Variants in PPM1E observed in about 807,000 individuals in gnomAD.
PPM1E encodes protein phosphatase 1E.
Under a neutral mutation model 65.9 loss-of-function variants are expected in PPM1E, and 20 were observed. That is an observed-to-expected ratio of 0.30 (90% CI 0.21 to 0.44). PPM1E has a LOEUF of 0.44. Among genes scored for constraint, PPM1E ranks in the 20% least tolerant of loss-of-function variants. PPM1E has a pLI of 1.00. For synonymous variants in PPM1E, 352 were observed against 374.9 expected, an observed-to-expected ratio of 0.94 and a Z score of 0.70; for missense variants, 713 against 953.1, an observed-to-expected ratio of 0.75 and a Z score of 3.32.
At chr17:58,798,517 A>G (rs2143040622) in intron 1 of PPM1E, among the ~76,000 whole-genome samples, 1 of 146,874 alleles carries the variant, frequency 6.8e-6, no homozygotes, top group Admixed American at 6.8e-5. Flanking sequence ...TCCACCGCAC[A>G]CGGCCCTATT....
chr17:58,812,075 G>A (rs536003974), intron 1 of PPM1E, among the ~76,000 whole-genome samples: 3 of 151,866 alleles, frequency 2.0e-5, no homozygotes, highest in African/African-American at 7.2e-5. Context: ...TGAAAGATAA[G>A]GAACTAAAAA....
chr17:58,870,301 A>G (rs1461975292), intron 1 of PPM1E, among the ~76,000 whole-genome samples: 2 of 152,218 alleles, frequency 1.3e-5, no homozygotes, highest in Non-Finnish European at 2.9e-5. Context: ...TCTAAGTACC[A>G]TTGAAAATAG....
intron 1 of PPM1E, among the ~76,000 whole-genome samples, chr17:58,850,864 A>C (rs2050819739): frequency 1.3e-5 from 2 of 152,134 alleles, no homozygotes; most frequent in South Asian, 2.1e-4. Context: ...TAATATCCTG[A>C]AGAGTGTTTT....
intron 1 of PPM1E, among the ~76,000 whole-genome samples, chr17:58,866,024 ATTTC>A (rs957376167): frequency 6.6e-6 from 1 of 152,172 alleles, no homozygotes; most frequent in Non-Finnish European, 1.5e-5. Flanking sequence ...TCCCCATCAT[ATTTC>A]TTGTGGTTTA....
chr17:58,908,602 G>A (rs2051586811), intron 1 of PPM1E, among the ~76,000 whole-genome samples: 1 of 151,602 alleles, frequency 6.6e-6, no homozygotes, highest in Admixed American at 6.6e-5. Flanking sequence ...ACCATGCCCA[G>A]CTAATTTTTG....
chr17:58,906,069 A>G (rs1393877424), intron 1 of PPM1E, among the ~76,000 whole-genome samples: 2 of 152,192 alleles, frequency 1.3e-5, no homozygotes, highest in African/African-American at 4.8e-5. Flanking sequence ...GATTCATTTC[A>G]TCTAAGTTAT....
intron 1 of PPM1E, among the ~76,000 whole-genome samples, chr17:58,819,785 G>C (rs189655227): frequency 6.6e-6 from 1 of 151,868 alleles, no homozygotes; most frequent in African/African-American, 2.4e-5. Context: ...ACCTGTAATC[G>C]CAGCACTTTG....
chr17:58,886,722 A>G (rs2051269515), intron 1 of PPM1E, among the ~76,000 whole-genome samples: 1 of 152,264 alleles, frequency 6.6e-6, no homozygotes, highest in Non-Finnish European at 1.5e-5. Context: ...ATTAAAAAGA[A>G]CAAATGATGC....
At chr17:58,941,711 A>C (rs954442943) in intron 1 of PPM1E, among the ~76,000 whole-genome samples, 4 of 148,080 alleles carry the variant, frequency 2.7e-5, no homozygotes, top group Middle Eastern at 3.5e-3. Flanking sequence ...AAAAAAAAAA[A>C]TGCTGGTCAT....
At chr17:58,865,354 C>G (rs1185742325) in intron 1 of PPM1E, among the ~76,000 whole-genome samples, 1 of 151,654 alleles carries the variant, frequency 6.6e-6, no homozygotes, top group Non-Finnish European at 1.5e-5. Context: ...CCACTGCACT[C>G]CAGCCTGGTG....
At position 58,985,007 on chromosome 17, in the gene PPM1E, A is replaced by G. The variant is rs2031665634; in HGVS notation, c.*3976A>G. 1 of 152,666 alleles carries G rather than the reference A, an allele frequency of 6.6e-6. No homozygotes were observed. Among genetic ancestry groups the G allele is most frequent in the South Asian group, 2.1e-4 (1 of 4,836 alleles). The allele number at this position is 152,666 out of a possible 1,614,324, so 9.5% of individuals were successfully genotyped here. On this transcript the variant is annotated 3_prime_UTR_variant, in exon 7 of 7. Transcript: ENST00000308249. ...CTATGGAGTGAAGCGAATGAAGTGA[A>G]TAATTTCTTACCAAATAAATTTATC...
At chr17:58,961,503 T>C (rs568714588) in intron 2 of PPM1E, among the ~76,000 whole-genome samples, 4 of 152,362 alleles carry the variant, frequency 2.6e-5, no homozygotes, top group Non-Finnish European at 5.9e-5. Context: ...TATTTATTAT[T>C]ACCAAAAGTG....
intron 6 of PPM1E, among the ~76,000 whole-genome samples, chr17:58,976,974 C>CCATATTGGAT (rs1398545043): frequency 6.6e-6 from 1 of 151,900 alleles, no homozygotes; most frequent in East Asian, 1.9e-4. Flanking sequence ...ACACTGAATC[C>CCATATTGGAT]CATATTGGAT....
At chr17:58,764,699 C>T (rs1355561863) in intron 1 of PPM1E, among the ~76,000 whole-genome samples, 2 of 151,904 alleles carry the variant, frequency 1.3e-5, no homozygotes, top group African/African-American at 4.8e-5. Flanking sequence ...CTCATTGCAT[C>T]CTTGACTTCC....
At chr17:58,890,294 T>C (rs911982999) in intron 1 of PPM1E, among the ~76,000 whole-genome samples, 11 of 152,188 alleles carry the variant, frequency 7.2e-5, no homozygotes, top group African/African-American at 2.7e-4. Context: ...ATAACCTTCT[T>C]ATGTGTCAGA....
At chr17:58,773,846 G>A (rs571046129) in intron 1 of PPM1E, among the ~76,000 whole-genome samples, 25 of 152,020 alleles carry the variant, frequency 1.6e-4, no homozygotes, top group African/African-American at 2.4e-4. Context: ...TATGGGTTCC[G>A]GGAATCTGTT....
intron 1 of PPM1E, chr17:58,785,701 TGC>T (rs2050093950): frequency 6.6e-6 from 1 of 151,676 alleles, no homozygotes; most frequent in Non-Finnish European, 1.5e-5. Flanking sequence ...CTTAGGGGGA[TGC>T]GTTCCAAGAC....
At chr17:58,809,573 A>G (rs756552176) in intron 1 of PPM1E, among the ~76,000 whole-genome samples, 4 of 152,036 alleles carry the variant, frequency 2.6e-5, no homozygotes, top group Non-Finnish European at 5.9e-5. Context: ...TTTTTTGCCC[A>G]GGGTCTTACT....
At chr17:58,888,290 T>G (rs1567864965) in intron 1 of PPM1E, among the ~76,000 whole-genome samples, 1 of 102,506 alleles carries the variant, frequency 9.8e-6, no homozygotes, top group African/African-American at 4.1e-5. Context: ...AATGAAAACT[T>G]CGTCTGTTTT....
Sources: gnomAD v4.1 joint callset for allele counts (sites outside exome capture counted in the v4.1 genomes callset) on GRCh38, gnomAD v4.1.1 for gene constraint, MANE v1.5 for transcripts, NCBI Gene and HGNC (gene_info 2026-07-23, HGNC 2026-07-21) for gene names.